Variants in LINGO2 observed in about 807,000 individuals in gnomAD.
LINGO2 encodes the protein leucine-rich repeat and immunoglobulin-like domain-containing nogo receptor-interacting protein 2.
In LINGO2, 14 loss-of-function variants were observed where a neutral mutation model predicts 30.6. The observed-to-expected ratio is 0.46, with a 90% CI of 0.30 to 0.72. LINGO2 has a LOEUF of 0.72. Among genes scored for constraint, LINGO2 ranks in the 30% least tolerant of loss-of-function variants. The pLI, the probability that LINGO2 is intolerant of heterozygous loss-of-function variation, is 0.07. For missense variants in LINGO2, 729 were observed against 751.7 expected, an observed-to-expected ratio of 0.97 and a Z score of 0.35; for synonymous variants, 317 against 288.5, an observed-to-expected ratio of 1.10 and a Z score of -1.00.
intron 3 of LINGO2, among the ~76,000 whole-genome samples, chr9:28,316,208 A>G (rs1318578978): frequency 6.6e-6 from 1 of 152,022 alleles, no homozygotes. Context: ...TATTACATGT[A>G]TATACACATA....
At chr9:28,553,057 T>C in intron 1 of LINGO2, among the ~76,000 whole-genome samples, 1 of 151,980 alleles carries the variant, frequency 6.6e-6, no homozygotes. Flanking sequence ...AAATATCTAA[T>C]AATCCTTGGG....
intron 4 of LINGO2, among the ~76,000 whole-genome samples, chr9:28,265,520 A>G (rs1208500534): frequency 5.3e-5 from 8 of 152,068 alleles, no homozygotes; most frequent in Admixed American, 5.2e-4. Context: ...ATACAATTTA[A>G]TAAATGTACT....
At chr9:28,863,516 A>G in the LINGO2 span, 1 of 431,508 alleles carries the variant, frequency 2.3e-6, no homozygotes, top group Middle Eastern at 3.4e-4. Context: ...GAGTATATTT[A>G]CCAGGGATCT....
intron 1 of LINGO2, among the ~76,000 whole-genome samples, chr9:28,625,387 ACTGT>A (rs1164200806): frequency 6.6e-6 from 1 of 152,018 alleles, no homozygotes; most frequent in Admixed American, 6.6e-5. Context: ...GCAGTTCAAG[ACTGT>A]CTTTGCTACA....
At chr9:28,235,379 C>G (rs781622222) in intron 4 of LINGO2, among the ~76,000 whole-genome samples, 2 of 152,174 alleles carry the variant, frequency 1.3e-5, no homozygotes, top group African/African-American at 2.4e-5. Flanking sequence ...CATATGCAAA[C>G]AAGCCCAGAC....
chr9:28,211,667 G>C (rs1183938662), intron 4 of LINGO2, among the ~76,000 whole-genome samples: 1 of 151,376 alleles, frequency 6.6e-6, no homozygotes, highest in African/African-American at 2.4e-5. Flanking sequence ...GACAGGCAAG[G>C]CTTGTATTCT....
the LINGO2 span, among the ~76,000 whole-genome samples, chr9:29,048,366 G>T: frequency 6.6e-6 from 1 of 151,620 alleles, no homozygotes; most frequent in Admixed American, 6.6e-5. Flanking sequence ...TGGATCGGAA[G>T]AAAAAATATT....
At chr9:28,476,335 A>G (rs1193719567) in intron 1 of LINGO2, among the ~76,000 whole-genome samples, 1 of 152,146 alleles carries the variant, frequency 6.6e-6, no homozygotes, top group Admixed American at 6.5e-5. Flanking sequence ...GAGTGCAGTG[A>G]CACAATGTCT....
At chr9:28,697,721 T>C in the LINGO2 span, among the ~76,000 whole-genome samples, 1 of 152,026 alleles carries the variant, frequency 6.6e-6, no homozygotes, top group African/African-American at 2.4e-5. Flanking sequence ...TTGTTGTAAC[T>C]CTTGCTATGC....
chr9:29,155,260 A>G, the LINGO2 span, among the ~76,000 whole-genome samples: 1 of 152,278 alleles, frequency 6.6e-6, no homozygotes, highest in African/African-American at 2.4e-5. Flanking sequence ...AGCTAGGAAT[A>G]TGATGATCTT....
the LINGO2 span, among the ~76,000 whole-genome samples, chr9:28,939,001 T>C: frequency 6.6e-6 from 1 of 152,180 alleles, no homozygotes; most frequent in African/African-American, 2.4e-5. Context: ...GCAACTTATA[T>C]TCCAATTTAA....
chr9:28,494,432 T>C (rs1819512480), intron 1 of LINGO2, among the ~76,000 whole-genome samples: 1 of 152,172 alleles, frequency 6.6e-6, no homozygotes, highest in East Asian at 1.9e-4. Flanking sequence ...GTGTTCTCAT[T>C]GTTCAGTTCC....
chr9:28,810,791 C>G, the LINGO2 span, among the ~76,000 whole-genome samples: 4 of 152,052 alleles, frequency 2.6e-5, no homozygotes, highest in Non-Finnish European at 5.9e-5. Flanking sequence ...TTCCTTCTGG[C>G]TTCTAGGGTA....
intron 4 of LINGO2, among the ~76,000 whole-genome samples, chr9:28,039,317 C>T (rs2132967172): frequency 6.6e-6 from 1 of 152,242 alleles, no homozygotes; most frequent in African/African-American, 2.4e-5. Flanking sequence ...TTTTAAAAAG[C>T]TTAAGAAGTT....
rs527615877 is a variant in LINGO2, at chr9:28,447,630, A to G, written c.-279+28310T>C. On this transcript the variant is annotated intron_variant, in intron 2 of 5. Transcript: ENST00000379992. The stretch of plus-strand genomic sequence containing the variant: ...TCTCATCTCTAAAAAAATTAAACTA[A>G]TAGATGTTTCAAAAGATTGAAACTG... Among the ~76,000 whole-genome samples the G allele has an allele frequency of 2.0e-4, 31 of 152,298 alleles. 1 individual carries two copies. The South Asian group carries it at 6.2e-3, about 31-fold the overall frequency.
the LINGO2 span, among the ~76,000 whole-genome samples, chr9:28,896,626 A>G: frequency 6.6e-6 from 1 of 152,130 alleles, no homozygotes; most frequent in Non-Finnish European, 1.5e-5. Flanking sequence ...AAATGTATAT[A>G]AAACCTTTGG....
At chr9:28,798,080 C>A in the LINGO2 span, among the ~76,000 whole-genome samples, 1 of 152,022 alleles carries the variant, frequency 6.6e-6, no homozygotes, top group African/African-American at 2.4e-5. Context: ...GCGTAAAGGT[C>A]AATATCTGAT....
intron 2 of LINGO2, among the ~76,000 whole-genome samples, chr9:28,377,870 G>A (rs1225355578): frequency 6.6e-6 from 1 of 152,128 alleles, no homozygotes; most frequent in Non-Finnish European, 1.5e-5. Context: ...TTACGGTCCA[G>A]TAAAATGTTA....
chr9:28,475,565 GTCTTATA>G (rs1268990048), intron 2 of LINGO2, among the ~76,000 whole-genome samples: 1 of 152,120 alleles, frequency 6.6e-6, no homozygotes, highest in African/African-American at 2.4e-5. Context: ...TTAAGTATTA[GTCTTATA>G]TCTTTAAGCT....
Sources: gnomAD v4.1 joint callset for allele counts (sites outside exome capture counted in the v4.1 genomes callset) on GRCh38, gnomAD v4.1.1 for gene constraint, MANE v1.5 for transcripts, NCBI Gene and HGNC (gene_info 2026-07-23, HGNC 2026-07-21) for gene names.